Variants in FAAH2 observed in about 807,000 individuals in gnomAD.
The protein encoded by FAAH2 is fatty-acid amide hydrolase 2.
In FAAH2, 60 loss-of-function variants were observed where a neutral mutation model predicts 36.9. That is an observed-to-expected ratio of 1.63 (90% confidence interval 1.32 to 2.02). The LOEUF (loss-of-function observed/expected upper bound fraction) is 2.02, where lower values mean the gene tolerates loss of function less well. FAAH2 is among the 30% of genes most tolerant of loss of function. The pLI is 0.00. For missense variants in FAAH2, 689 were observed against 397.5 expected (o/e 1.73, Z -6.23); for synonymous variants, 214 against 143.8 (o/e 1.49, Z -3.49).
the FAAH2 span, among the ~76,000 whole-genome samples, chrX:57,279,790 C>T: frequency 9.0e-6 from 1 of 111,477 alleles, no homozygotes; most frequent in Non-Finnish European, 1.9e-5. Flanking sequence ...TACAATTAAA[C>T]ATTCCTTCAT....
intron 7 of FAAH2, among the ~76,000 whole-genome samples, chrX:57,411,042 A>C (rs1322387218): frequency 8.9e-6 from 1 of 111,770 alleles, no homozygotes; most frequent in Admixed American, 9.6e-5. Flanking sequence ...CAGTTGAAAA[A>C]GCAGTTATCT....
chrX:57,342,879 C>A (rs1178279270), intron 5 of FAAH2, among the ~76,000 whole-genome samples: 2 of 111,633 alleles, frequency 1.8e-5, no homozygotes, highest in Admixed American at 9.5e-5. Flanking sequence ...GTGGTAGTTT[C>A]TTTTCTGTTC....
intron 5 of FAAH2, among the ~76,000 whole-genome samples, chrX:57,375,401 C>T (rs776996078): frequency 2.2e-3 from 185 of 84,216 alleles, no homozygotes; most frequent in Non-Finnish European, 3.7e-3. Context: ...TTCAATCTCT[C>T]TCCTTGTTAT....
chrX:57,304,122 G>T (rs1014155062), intron 2 of FAAH2, among the ~76,000 whole-genome samples: 7 of 111,850 alleles, frequency 6.3e-5, no homozygotes, highest in African/African-American at 2.3e-4. Flanking sequence ...CAGGAGAATT[G>T]CTTGAGCCCA....
chrX:57,313,093 A>G (rs2146907387), intron 3 of FAAH2, among the ~76,000 whole-genome samples: 1 of 111,993 alleles, frequency 8.9e-6, no homozygotes, highest in South Asian at 3.7e-4. Flanking sequence ...TCATAATACA[A>G]TTAGAAGTAT....
the FAAH2 span, among the ~76,000 whole-genome samples, chrX:57,242,441 A>T: frequency 3.6e-5 from 4 of 112,456 alleles, no homozygotes; most frequent in East Asian, 2.8e-4. Context: ...AACCCCATTT[A>T]AAAAAACCCA....
the FAAH2 span, among the ~76,000 whole-genome samples, chrX:57,204,592 C>A: frequency 8.9e-6 from 1 of 111,975 alleles, no homozygotes; most frequent in Non-Finnish European, 1.9e-5. Context: ...ACAAGCATAA[C>A]CTCTACCCCA....
chrX:57,302,563 A>T (rs2052404369), intron 2 of FAAH2, among the ~76,000 whole-genome samples: 1 of 110,555 alleles, frequency 9.0e-6, no homozygotes, highest in Non-Finnish European at 1.9e-5. Context: ...TATCATAGAG[A>T]AGGTTACTGA....
the FAAH2 span, among the ~76,000 whole-genome samples, chrX:57,137,869 G>GTA: frequency 8.2e-4 from 90 of 109,423 alleles, no homozygotes; most frequent in East Asian, 1.4e-3. Flanking sequence ...GTGTATGTAT[G>GTA]TATATATATA....
At chrX:57,329,591 A>G (rs1473606965) in intron 3 of FAAH2, among the ~76,000 whole-genome samples, 2 of 108,991 alleles carry the variant, frequency 1.8e-5, no homozygotes, top group Non-Finnish European at 3.8e-5. Flanking sequence ...GGTGCACACA[A>G]TTATGTGTGC....
chrX:57,187,666 A>G, the FAAH2 span, among the ~76,000 whole-genome samples: 1 of 111,397 alleles, frequency 9.0e-6, no homozygotes, highest in Non-Finnish European at 1.9e-5. Flanking sequence ...TAAAGCTTTC[A>G]GGTTTTGTCC....
intron 4 of FAAH2, among the ~76,000 whole-genome samples, chrX:57,336,058 C>A (rs1002338631): frequency 9.0e-6 from 1 of 111,511 alleles, no homozygotes; most frequent in African/African-American, 3.3e-5. Context: ...CCTCCGAGCC[C>A]AAGCTAAGCC....
At chrX:57,237,188 G>T in the FAAH2 span, among the ~76,000 whole-genome samples, 1 of 111,202 alleles carries the variant, frequency 9.0e-6, no homozygotes, top group Admixed American at 9.6e-5. Flanking sequence ...TTAATTTTGG[G>T]TTCTCAATTT....
chrX:57,242,906 G>T, the FAAH2 span, among the ~76,000 whole-genome samples: 47 of 111,880 alleles, frequency 4.2e-4, no homozygotes, highest in Non-Finnish European at 7.9e-4. Flanking sequence ...CCAGTGAGAT[G>T]GAACCATTCA....
intron 4 of FAAH2, 85 bp downstream of exon 4, chrX:57,331,892 G>A (rs1602304205): frequency 1.1e-6 from 1 of 950,652 alleles, no homozygotes; most frequent in East Asian, 3.2e-5. Context: ...ATACAGTATA[G>A]CATCTATGAC....
the FAAH2 span, among the ~76,000 whole-genome samples, chrX:57,233,829 G>A: frequency 8.9e-6 from 1 of 112,335 alleles, no homozygotes; most frequent in African/African-American, 3.2e-5. Context: ...ATATTTTGTG[G>A]AGATAGGGTT....
chrX:57,173,800 G>GT, the FAAH2 span, among the ~76,000 whole-genome samples: 8 of 111,260 alleles, frequency 7.2e-5, no homozygotes, highest in African/African-American at 9.8e-5. Flanking sequence ...ATTATTGAAT[G>GT]TTTTTTTCTT....
At chrX:57,466,809 G>A (rs1339511076) in intron 10 of FAAH2, among the ~76,000 whole-genome samples, 4 of 111,744 alleles carry the variant, frequency 3.6e-5, no homozygotes, top group Non-Finnish European at 7.5e-5. Context: ...GACAGTCTAA[G>A]AATGCAGACA....
chrX:57,198,209 G>A, the FAAH2 span, among the ~76,000 whole-genome samples: 1 of 111,583 alleles, frequency 9.0e-6, no homozygotes, highest in Non-Finnish European at 1.9e-5. Flanking sequence ...GCATGGTTAG[G>A]CATGTCTGAG....
Sources: allele counts gnomAD v4.1 joint callset (sites outside exome capture counted in the v4.1 genomes callset), GRCh38; gene constraint gnomAD v4.1.1; transcripts MANE v1.5; gene names NCBI Gene and HGNC (gene_info 2026-07-23, HGNC 2026-07-21).